The following MDM4 variants were observed in gnomAD, a reference collection of about 807,000 sequenced individuals.
The protein encoded by MDM4 is MDM4 regulator of p53.
In MDM4, 2 loss-of-function variants were observed where a neutral mutation model predicts 60.2. That is an observed-to-expected ratio of 0.03 (90% confidence interval 0.01 to 0.10). MDM4 has a LOEUF of 0.10. Ranked by LOEUF, MDM4 falls within the 10% of genes least tolerant of loss-of-function variation. The pLI is 1.00. For missense variants in MDM4, 447 were observed against 577.5 expected, an observed-to-expected ratio of 0.77 and a Z score of 2.32; for synonymous variants, 202 against 198.1, an observed-to-expected ratio of 1.02 and a Z score of -0.17.
intron 8 of MDM4, among the ~76,000 whole-genome samples, chr1:204,543,235 A>G (rs536013202): frequency 6.5e-4 from 99 of 152,294 alleles, no homozygotes; most frequent in African/African-American, 2.3e-3. Context: ...TCATGCCTGT[A>G]ATCTCTGGGA....
At chr1:204,544,426 C>G (rs565798146) in intron 8 of MDM4, 109 bp from the exon 9 acceptor site, 1 of 1,059,032 alleles carries the variant, frequency 9.4e-7, no homozygotes, top group Admixed American at 2.5e-5. Context: ...GCAAGATGTT[C>G]TTTGGCGATG....
chr1:204,536,582 C>G (rs952765014), intron 5 of MDM4, among the ~76,000 whole-genome samples: 2 of 152,174 alleles, frequency 1.3e-5, no homozygotes, highest in Non-Finnish European at 2.9e-5. Context: ...CTATCTCATT[C>G]ACATAGCCTC....
chr1:204,522,934 C>T (rs546649581), intron 1 of MDM4, among the ~76,000 whole-genome samples: 1 of 150,370 alleles, frequency 6.7e-6, no homozygotes, highest in African/African-American at 2.4e-5. Flanking sequence ...GCGATCTCAG[C>T]TCACTGCAAC....
chr1:204,524,735 C>G (rs946658843), intron 1 of MDM4, among the ~76,000 whole-genome samples: 8 of 152,214 alleles, frequency 5.3e-5, no homozygotes, highest in Non-Finnish European at 7.3e-5. Flanking sequence ...CGAGATTGCG[C>G]CATTGCGCTT....
chr1:204,529,705 G>T, intron 3 of MDM4: 2 of 539,308 alleles, frequency 3.7e-6, no homozygotes, highest in South Asian at 2.8e-5. Flanking sequence ...TGGCAATTCT[G>T]ACGTCACACA....
rs974561687 is a variant in MDM4, at chr1:204,528,055, A to T, written c.153+1621A>T. On this transcript the variant is annotated intron_variant, in intron 3 of 10. Transcript: ENST00000367182. ...TGACACGTAAGACCTTTTTTTCCCCAAACTTATTAAAGTCTGGAATTTTTT... is the reference window on the plus strand; with the variant it reads ...TGACACGTAAGACCTTTTTTTCCCCTAACTTATTAAAGTCTGGAATTTTTT... Among the ~76,000 whole-genome samples, 4 of 150,284 alleles carry T rather than the reference A, an allele frequency of 2.7e-5. 1 individual carries two copies. The South Asian group carries it at 8.4e-4, about 32-fold the overall frequency.
intron 4 of MDM4, 41 bp from the exon 5 acceptor site, chr1:204,532,150 G>T: frequency 8.6e-7 from 1 of 1,158,648 alleles, no homozygotes; most frequent in Middle Eastern, 1.9e-4. Context: ...CTTCATAGTG[G>T]CATTTGGGGT....
chr1:204,522,877 T>C (rs1267871685), intron 1 of MDM4, among the ~76,000 whole-genome samples: 2 of 151,532 alleles, frequency 1.3e-5, no homozygotes, highest in Non-Finnish European at 2.9e-5. Context: ...TTTTTTTTTT[T>C]TTGAGATGGA....
chr1:204,527,663 T>A (rs779998724), intron 3 of MDM4, among the ~76,000 whole-genome samples: 1 of 143,522 alleles, frequency 7.0e-6, no homozygotes, highest in Non-Finnish European at 1.5e-5. Context: ...AAAAAAAGTG[T>A]CAGACACTCT....
chr1:204,528,212 C>A (rs550108419), intron 3 of MDM4, among the ~76,000 whole-genome samples: 1 of 151,984 alleles, frequency 6.6e-6, no homozygotes, highest in Non-Finnish European at 1.5e-5. Context: ...GAGATGGAAG[C>A]CGAGCAGAGC....
chr1:204,529,683 G>A, intron 3 of MDM4: 1 of 580,530 alleles, frequency 1.7e-6, no homozygotes, highest in Non-Finnish European at 3.0e-6. Flanking sequence ...CGCCCATACA[G>A]ATAGCTGGCT....
chr1:204,545,136 A>G (rs762168372), intron 9 of MDM4, among the ~76,000 whole-genome samples: 25 of 152,170 alleles, frequency 1.6e-4, no homozygotes, highest in African/African-American at 1.7e-4. Context: ...GCCCAAGACA[A>G]TTCTTCCAGT....
At chr1:204,522,183 C>T (rs1485370817) in intron 1 of MDM4, among the ~76,000 whole-genome samples, 1 of 151,742 alleles carries the variant, frequency 6.6e-6, no homozygotes, top group African/African-American at 2.4e-5. Flanking sequence ...AATAAATTAG[C>T]TGGGCATGGT....
rs767188605 is a variant in MDM4 at position 204,538,283 on chromosome 1, G to A, written c.486G>A (p.Glu162=). The A allele has an allele frequency of 5.6e-6, 9 of 1,593,862 alleles. No individual in the cohort carries two copies. Among genetic ancestry groups the A allele is most frequent in the South Asian group, 3.3e-5 (3 of 90,672 alleles). Residue 162 remains glutamate, a synonymous_variant, in exon 7 of 11, where the codon GAG becomes GAA. Coordinates refer to ENST00000367182, the MANE Select transcript of MDM4 (RefSeq NM_002393.5). ...EDDIPTLPTS[E]HKCIHSREDE... ...ATATCCCCACACTGCCTACCTCAGA[G>A]CATAAATGCATACATTCTAGAGAAG...
intron 1 of MDM4, among the ~76,000 whole-genome samples, chr1:204,519,183 T>C (rs571812426): frequency 6.6e-6 from 1 of 152,288 alleles, no homozygotes; most frequent in African/African-American, 2.4e-5. Flanking sequence ...ACCACGTGTT[T>C]ATCTTTACAG....
chr1:204,529,850 T>C (rs1660685422), intron 3 of MDM4, among the ~76,000 whole-genome samples: 1 of 152,226 alleles, frequency 6.6e-6, no homozygotes, highest in South Asian at 2.1e-4. Flanking sequence ...TGACTCTATC[T>C]ATTGCATAAA....
chr1:204,532,316 A>T (rs1304866849), intron 5 of MDM4, 70 bp downstream of exon 5: 3 of 978,692 alleles, frequency 3.1e-6, no homozygotes, highest in African/African-American at 3.2e-5. Context: ...ATGGGAAAAC[A>T]AAGAAGATGA....
At position 204,554,887 on chromosome 1, in the gene MDM4, T is replaced by A. The variant is rs748954837; in HGVS notation, c.*5205T>A. On this transcript the variant is annotated 3_prime_UTR_variant, in exon 11 of 11. Coordinates refer to ENST00000367182, the MANE Select transcript of MDM4 (RefSeq NM_002393.5). Reference sequence around the variant, plus strand: ...CTTTTGATGTGCACTAATGCCATTATTGGTAATGCCGTTATTGGTGAATAC... The same window carrying A: ...CTTTTGATGTGCACTAATGCCATTAATGGTAATGCCGTTATTGGTGAATAC... 23 of 225,076 alleles carry A rather than the reference T, an allele frequency of 1.0e-4. No individual in the cohort carries two copies. In the Middle Eastern group the frequency reaches 4.1e-3, roughly 40 times the overall value. The allele number at this position is 225,076 out of a possible 1,614,324, so 13.9% of individuals were successfully genotyped here.
intron 10 of MDM4, among the ~76,000 whole-genome samples, chr1:204,547,422 A>G (rs899059609): frequency 2.6e-5 from 4 of 152,236 alleles, no homozygotes; most frequent in African/African-American, 9.6e-5. Flanking sequence ...GTCTAGACCC[A>G]AATGTATACC....
Sources: gnomAD v4.1 joint callset for allele counts (sites outside exome capture counted in the v4.1 genomes callset) on GRCh38, gnomAD v4.1.1 for gene constraint, MANE v1.5 for transcripts, NCBI Gene and HGNC (gene_info 2026-07-23, HGNC 2026-07-21) for gene names.